EPHA6: variants seen among roughly 807,000 people sequenced by gnomAD.
EPHA6 encodes EPH receptor A6, also known as ephrin type-A receptor 6.
In EPHA6, 50 loss-of-function variants were observed where a neutral mutation model predicts 112.0. The observed-to-expected ratio is 0.45, with a 90% CI of 0.36 to 0.56. EPHA6 has a LOEUF of 0.56. Among genes scored for constraint, EPHA6 ranks in the 20% least tolerant of loss-of-function variants. The pLI is 0.00. For missense variants in EPHA6, 1,280 were observed against 1,417.4 expected (o/e 0.90, Z 1.56); for synonymous variants, 529 against 490.7 (o/e 1.08, Z -1.03).
At chr3:96,824,189 C>T in intron 1 of EPHA6, among the ~76,000 whole-genome samples, 1 of 151,570 alleles carries the variant, frequency 6.6e-6, no homozygotes, top group South Asian at 2.1e-4. Context: ...TTAGATTTTT[C>T]AAGAACCCTA....
intron 3 of EPHA6, among the ~76,000 whole-genome samples, chr3:97,221,896 G>A (rs1466127846): frequency 6.6e-6 from 1 of 151,996 alleles, no homozygotes; most frequent in African/African-American, 2.4e-5. Context: ...CAGATATGGT[G>A]GTGGGTGCCT....
chr3:97,742,759 A>C (rs898346350), intron 16 of EPHA6, among the ~76,000 whole-genome samples: 5 of 152,082 alleles, frequency 3.3e-5, no homozygotes, highest in Non-Finnish European at 7.4e-5. Flanking sequence ...TAAATATCAA[A>C]ATTATTTCAT....
At chr3:97,691,927 C>CA (rs2032696996) in intron 14 of EPHA6, among the ~76,000 whole-genome samples, 1 of 152,092 alleles carries the variant, frequency 6.6e-6, no homozygotes, top group Admixed American at 6.5e-5. Flanking sequence ...CTCCTAAAAC[C>CA]AGAGAAGAGC....
chr3:96,970,664 G>T (rs1467056051), intron 2 of EPHA6, among the ~76,000 whole-genome samples: 2 of 151,972 alleles, frequency 1.3e-5, no homozygotes, highest in Non-Finnish European at 2.9e-5. Context: ...ACATCCTATG[G>T]GAGGCTTGTG....
intron 2 of EPHA6, among the ~76,000 whole-genome samples, chr3:96,880,156 C>G (rs2037224843): frequency 6.6e-6 from 1 of 151,954 alleles, no homozygotes; most frequent in Non-Finnish European, 1.5e-5. Context: ...GTTCTCACCT[C>G]AAAGAAAAGA....
At chr3:97,293,119 A>G (rs2108689885) in intron 5 of EPHA6, among the ~76,000 whole-genome samples, 1 of 149,860 alleles carries the variant, frequency 6.7e-6, no homozygotes, top group South Asian at 2.1e-4. Flanking sequence ...TCAGTGGAGC[A>G]GAGACTCATG....
chr3:97,561,218 T>C lies in EPHA6; in HGVS notation c.2386+28675T>C, dbSNP rs189998747. On this transcript the variant is annotated intron_variant, in intron 11 of 17. Transcript: ENST00000389672. ...AAGGAAGAGTCGCATATCTCTGGCGTTTAAATCAAAGCTAGAAATGATTTA... is the reference window on the plus strand; with the variant it reads ...AAGGAAGAGTCGCATATCTCTGGCGCTTAAATCAAAGCTAGAAATGATTTA... 1.8e-3 allele frequency among the ~76,000 whole-genome samples: 280 copies of C among 152,126 alleles called. 1 individual carries two copies. Among genetic ancestry groups the C allele is most frequent in the African/African-American group, 6.5e-3 (269 of 41,540 alleles).
intron 14 of EPHA6, among the ~76,000 whole-genome samples, chr3:97,664,120 G>C (rs1177782150): frequency 6.6e-6 from 1 of 152,162 alleles, no homozygotes; most frequent in Non-Finnish European, 1.5e-5. Context: ...TGTTTTGGCT[G>C]CATAAATGTC....
At chr3:97,458,383 C>A (rs531663271) in intron 7 of EPHA6, among the ~76,000 whole-genome samples, 16 of 152,074 alleles carry the variant, frequency 1.1e-4, no homozygotes, top group South Asian at 2.1e-4. Flanking sequence ...TTTAAAAATT[C>A]TCTTGCACTA....
chr3:96,892,083 G>T (rs1025701745), intron 2 of EPHA6, among the ~76,000 whole-genome samples: 2 of 152,086 alleles, frequency 1.3e-5, no homozygotes, highest in Non-Finnish European at 2.9e-5. Context: ...AGCTTGGTAG[G>T]CTTTGGTCAG....
chr3:96,816,509 T>C (rs1198559562), intron 1 of EPHA6, among the ~76,000 whole-genome samples: 4 of 152,132 alleles, frequency 2.6e-5, no homozygotes, highest in Non-Finnish European at 4.4e-5. Flanking sequence ...ACGATTACCC[T>C]TTTTTATTAT....
chr3:97,187,923 A>G (rs2077200049), intron 3 of EPHA6, among the ~76,000 whole-genome samples: 1 of 152,154 alleles, frequency 6.6e-6, no homozygotes, highest in Non-Finnish European at 1.5e-5. Flanking sequence ...AAAATATAAG[A>G]GGAATGCAAA....
At chr3:97,075,280 G>A in intron 3 of EPHA6, among the ~76,000 whole-genome samples, 1 of 152,030 alleles carries the variant, frequency 6.6e-6, no homozygotes, top group Non-Finnish European at 1.5e-5. Flanking sequence ...CAAAAATAAA[G>A]ATAATGTTCA....
chr3:97,461,074 T>A (rs1397247400), intron 7 of EPHA6, among the ~76,000 whole-genome samples: 1 of 152,178 alleles, frequency 6.6e-6, no homozygotes, highest in Admixed American at 6.5e-5. Flanking sequence ...AAGTTAACTA[T>A]CACCATAATC....
chr3:97,252,426 C>T (rs1319091133), intron 5 of EPHA6, among the ~76,000 whole-genome samples: 1 of 152,146 alleles, frequency 6.6e-6, no homozygotes, highest in Non-Finnish European at 1.5e-5. Flanking sequence ...CATACACACA[C>T]ACACGCGCGC....
intron 2 of EPHA6, among the ~76,000 whole-genome samples, chr3:96,981,926 C>T (rs1229202385): frequency 6.6e-6 from 1 of 152,028 alleles, no homozygotes; most frequent in African/African-American, 2.4e-5. Context: ...TTTATTACAT[C>T]TATTTGATTC....
At chr3:96,868,051 T>G (rs1334480003) in intron 2 of EPHA6, among the ~76,000 whole-genome samples, 1 of 151,974 alleles carries the variant, frequency 6.6e-6, no homozygotes, top group Non-Finnish European at 1.5e-5. Flanking sequence ...CATTGTCTTA[T>G]TTCCATTAAA....
intron 2 of EPHA6, among the ~76,000 whole-genome samples, chr3:96,912,221 C>A (rs1452238847): frequency 2.0e-5 from 3 of 151,836 alleles, no homozygotes; most frequent in African/African-American, 2.4e-5. Flanking sequence ...ATAATGTAAC[C>A]ATTTTGTAAT....
intron 11 of EPHA6, among the ~76,000 whole-genome samples, chr3:97,563,506 T>G (rs1027114816): frequency 6.6e-6 from 1 of 152,190 alleles, no homozygotes; most frequent in African/African-American, 2.4e-5. Context: ...ATGTAAAATT[T>G]TATCCCAGGG....
Sources: gnomAD v4.1 joint callset for allele counts (sites outside exome capture counted in the v4.1 genomes callset) on GRCh38, gnomAD v4.1.1 for gene constraint, MANE v1.5 for transcripts, NCBI Gene and HGNC (gene_info 2026-07-23, HGNC 2026-07-21) for gene names.